Variants in PCDHA5 observed in about 807,000 individuals in gnomAD.
PCDHA5 encodes protocadherin alpha-5.
A neutral mutation model predicts 61.6 loss-of-function variants in PCDHA5; 43 were observed. That is an observed-to-expected ratio of 0.70 (90% confidence interval 0.55 to 0.90). The LOEUF (loss-of-function observed/expected upper bound fraction) is 0.90. Among genes scored for constraint, PCDHA5 ranks in the 40% least tolerant of loss-of-function variants. The pLI, the probability that PCDHA5 is intolerant of heterozygous loss-of-function variation, is 0.00. For missense variants in PCDHA5, 1,298 were observed against 1,222.7 expected (o/e 1.06, Z -0.92); for synonymous variants, 627 against 543.9 (o/e 1.15, Z -2.13).
In PCDHA5 at chr5:140,850,172, C is replaced by A. The variant is rs2150470572; in HGVS notation, c.2352+26045C>A. 55 of 1,594,266 alleles carry A rather than the reference C, an allele frequency of 3.4e-5. 7 individuals are homozygous for A. Among genetic ancestry groups the A allele is most frequent in the Non-Finnish European group, 4.5e-5 (52 of 1,167,736 alleles). ...TGCAGGTGTTCGTGCTGGACGAGAA[C>A]GACAATGCGCCGGCGCTGCTGACAC... is the stretch of plus-strand genomic sequence containing the variant. On this transcript the variant is annotated intron_variant, in intron 1 of 3. Transcript: ENST00000529859.
At chr5:140,829,908 G>A in intron 1 of PCDHA5, 1 of 1,614,014 alleles carries the variant, frequency 6.2e-7, no homozygotes, top group Non-Finnish European at 8.5e-7. Flanking sequence ...TACAACGCGT[G>A]GCTTTCGTAT....
chr5:140,884,820 T>C (rs1318105542), intron 1 of PCDHA5: 4 of 1,013,184 alleles, frequency 3.9e-6, no homozygotes, highest in African/African-American at 3.3e-5. Context: ...GTGGACATTA[T>C]GTGTTGGATT....
intron 1 of PCDHA5, among the ~76,000 whole-genome samples, chr5:140,952,443 C>T (rs1264311770): frequency 6.6e-6 from 1 of 152,128 alleles, no homozygotes; most frequent in East Asian, 1.9e-4. Flanking sequence ...AGGCATAATA[C>T]AGCCAGGCTC....
At chr5:140,974,426 G>T (rs1417085676) in intron 1 of PCDHA5, among the ~76,000 whole-genome samples, 1 of 152,152 alleles carries the variant, frequency 6.6e-6, no homozygotes, top group Non-Finnish European at 1.5e-5. Flanking sequence ...TTACTTTCCT[G>T]GTTTGTAAAT....
chr5:140,836,220 C>A lies in PCDHA5; in HGVS notation c.2352+12093C>A, dbSNP rs2150255697. The stretch of plus-strand genomic sequence containing the variant: ...CGCGTGGCTTTCGTATGAGTTGCAA[C>A]CGGTGGCGGCCGGTGCGAGCATCCC... On this transcript the variant is annotated intron_variant, in intron 1 of 3. Coordinates refer to ENST00000529859, the MANE Select transcript of PCDHA5 (RefSeq NM_018908.3). The A allele has an allele frequency of 4.3e-6, 7 of 1,613,810 alleles. No homozygotes were observed. The Admixed American group carries it at 1.2e-4, about 27-fold the overall frequency.
chr5:140,900,502 C>T (rs1242310833), intron 1 of PCDHA5, among the ~76,000 whole-genome samples: 3 of 152,184 alleles, frequency 2.0e-5, no homozygotes, highest in Non-Finnish European at 4.4e-5. Context: ...GTCTCAAATT[C>T]CCAGCCTCAG....
intron 1 of PCDHA5, chr5:140,967,929 G>C (rs1554230126): frequency 6.2e-7 from 1 of 1,614,214 alleles, no homozygotes; most frequent in Non-Finnish European, 8.5e-7. Flanking sequence ...GCCGTTCTCA[G>C]TGTCAATGAC....
rs142842369 is a variant in PCDHA5, at chr5:140,884,425, T to G, written c.2352+60298T>G. ...TGGTGCTCACGTTGCTGCTGTATAC[T>G]GCGCTGCGGTGCTCGGCACCGCCCA... On this transcript the variant is annotated intron_variant, in intron 1 of 3. Coordinates refer to ENST00000529859, the MANE Select transcript of PCDHA5 (RefSeq NM_018908.3). 1.3e-3 allele frequency: 2,026 copies of G among 1,613,950 alleles called. 4 individuals carry two copies. Among genetic ancestry groups the G allele is most frequent in the Admixed American group, 3.6e-3 (219 of 60,032 alleles).
chr5:140,924,103 TC>T (rs1377290150), intron 1 of PCDHA5, among the ~76,000 whole-genome samples: 1 of 152,234 alleles, frequency 6.6e-6, no homozygotes, highest in African/African-American at 2.4e-5. Flanking sequence ...AAATTTTCAT[TC>T]CAAAGCAGTT....
At chr5:140,828,123 A>T in intron 1 of PCDHA5, 2 of 1,613,042 alleles carry the variant, frequency 1.2e-6, no homozygotes. Flanking sequence ...AGATTGGGAA[A>T]GCAATGTCTG....
chr5:140,870,731 C>G (rs782095287), intron 1 of PCDHA5: 1 of 1,613,444 alleles, frequency 6.2e-7, no homozygotes. Flanking sequence ...GGCGTGCCGC[C>G]TCTGAGCAGC....
chr5:140,898,228 C>T (rs1302111875), intron 1 of PCDHA5, among the ~76,000 whole-genome samples: 1 of 152,118 alleles, frequency 6.6e-6, no homozygotes, highest in Non-Finnish European at 1.5e-5. Flanking sequence ...CTTTTGTTGC[C>T]ATTGCTTTTG....
Position 140,843,481 on chromosome 5 carries a change from G to A in PCDHA5, c.2352+19354G>A, listed in dbSNP as rs1554140132. ...TGCTCACGCTGCTGCTGTACACTGCGCTGCGGTGCTCAGCACTGCCCACTG... is the reference window on the plus strand; with the variant it reads ...TGCTCACGCTGCTGCTGTACACTGCACTGCGGTGCTCAGCACTGCCCACTG... On this transcript the variant is annotated intron_variant, in intron 1 of 3. Transcript: ENST00000529859. 3.1e-6 allele frequency: 5 copies of A among 1,595,902 alleles called. 1 individual carries two copies. The Admixed American group carries it at 8.4e-5, about 27-fold the overall frequency.
rs2150110873 is a variant in PCDHA5, at chr5:140,821,821, C to T, written c.46C>T (p.Leu16Phe). The T allele has an allele frequency of 6.2e-7, 1 of 1,614,102 alleles. No homozygotes were observed. The highest frequency in any genetic ancestry group is 2.2e-5 in the East Asian group (1 of 44,886). The change falls in exon 1 of 4, where the codon CTC becomes TTC. Residue 16 changes from leucine (L) to phenylalanine (F), a missense_variant. Coordinates refer to ENST00000529859, the MANE Select transcript of PCDHA5 (RefSeq NM_018908.3). ...AAGTCTGGGATCCCGGCTCCTGCTG[C>T]TCTGGCTTCTCCTTGCCTACTGGAA... The part of the protein sequence containing the change: ...RGSLGSRLLL[L>F]WLLLAYWKAG...
rs782751899 is a variant in PCDHA5 at position 140,967,272 on chromosome 5, T to G, written c.2353-11677T>G. The G allele has an allele frequency of 1.2e-6, 2 of 1,613,412 alleles. No homozygotes were observed. Among genetic ancestry groups the G allele is most frequent in the East Asian group, 2.2e-5 (1 of 44,860 alleles). On this transcript the variant is annotated intron_variant, in intron 1 of 3. Transcript: ENST00000529859. ...GTGGCGCCTGGAGCGCGCTTTCACA[T>G]AGAGAGTGCGCAGGACCCCGACGTG...
chr5:140,921,809 C>T (rs886599958), intron 1 of PCDHA5, among the ~76,000 whole-genome samples: 2 of 151,940 alleles, frequency 1.3e-5, no homozygotes, highest in African/African-American at 4.8e-5. Context: ...AGATAAGATA[C>T]ATGTGTGAAT....
chr5:140,934,999 T>C (rs2090139389), intron 1 of PCDHA5, among the ~76,000 whole-genome samples: 1 of 152,196 alleles, frequency 6.6e-6, no homozygotes, highest in Admixed American at 6.5e-5. Flanking sequence ...CCTGAATCCT[T>C]TTCATGTGAG....
intron 1 of PCDHA5, chr5:140,825,410 T>C (rs1554130230): frequency 6.8e-6 from 1 of 146,528 alleles, no homozygotes; most frequent in Non-Finnish European, 1.5e-5. Flanking sequence ...TTATATATTT[T>C]ATATAATATA....
chr5:140,956,137 A>C (rs374405911), intron 1 of PCDHA5, among the ~76,000 whole-genome samples: 1 of 152,114 alleles, frequency 6.6e-6, no homozygotes. Flanking sequence ...AATACCCTTT[A>C]TTTCTTTCTC....
Sources: gnomAD v4.1 joint callset for allele counts (sites outside exome capture counted in the v4.1 genomes callset) on GRCh38, gnomAD v4.1.1 for gene constraint, MANE v1.5 for transcripts, NCBI Gene and HGNC (gene_info 2026-07-23, HGNC 2026-07-21) for gene names.